Variants in SLC27A1 observed in about 807,000 individuals in gnomAD.
SLC27A1 encodes solute carrier family 27 member 1, also known as long-chain fatty acid transport protein 1.
Under a neutral mutation model 62.2 loss-of-function variants are expected in SLC27A1, and 61 were observed. The observed-to-expected ratio is 0.98, with a 90% confidence interval of 0.80 to 1.21. The LOEUF (loss-of-function observed/expected upper bound fraction) is 1.21, where lower values mean the gene tolerates loss of function less well. Ranked by LOEUF, SLC27A1 falls within the 50% of genes most tolerant of loss-of-function variation. The pLI, the probability that SLC27A1 is intolerant of heterozygous loss-of-function variation, is 0.00. For synonymous variants in SLC27A1, 435 were observed against 408.6 expected (o/e 1.06, Z -0.78); for missense variants, 903 against 932.1 (o/e 0.97, Z 0.41).
chr19:17,487,277 G>A lies in SLC27A1; in HGVS notation c.666G>A (p.Pro222=). The A allele has an allele frequency of 6.2e-7, 1 of 1,613,712 alleles. No homozygotes were observed. Among genetic ancestry groups the A allele is most frequent in the Non-Finnish European group, 8.5e-7 (1 of 1,179,880 alleles). Residue 222 remains proline, a synonymous_variant, in exon 3 of 12, where the codon CCG becomes CCA. Transcript: ENST00000252595. ...TGCCGGACACCCACCTCCTGGACCC[G>A]CTGCTGAAGGAGGCCTCTACTGCCC... The part of the protein sequence containing the change: ...GILPDTHLLD[P]LLKEASTAPL...
intron 2 of SLC27A1, 21 bp from the exon 3 acceptor site, chr19:17,487,153 C>T (rs914171379): frequency 2.5e-6 from 4 of 1,613,836 alleles, no homozygotes; most frequent in Non-Finnish European, 3.4e-6. Flanking sequence ...GTGACCATGA[C>T]CCATGTGTTG....
chr19:17,488,430 T>G (rs1019893649), intron 4 of SLC27A1, among the ~76,000 whole-genome samples: 1 of 151,936 alleles, frequency 6.6e-6, no homozygotes, highest in Non-Finnish European at 1.5e-5. Flanking sequence ...CTGATGTCAT[T>G]TTCCTCCCCT....
intron 1 of SLC27A1, among the ~76,000 whole-genome samples, chr19:17,477,745 G>A (rs1343308358): frequency 6.6e-6 from 1 of 151,034 alleles, no homozygotes; most frequent in African/African-American, 2.4e-5. Context: ...AGTAGAGACG[G>A]GGTTTCACCA....
chr19:17,488,752 T>C (rs1027166843), intron 4 of SLC27A1, 96 bp from the exon 5 acceptor site: 15 of 1,121,456 alleles, frequency 1.3e-5, no homozygotes, highest in Non-Finnish European at 1.0e-5. Flanking sequence ...CTGGGCTGGC[T>C]TTGCCTGGGT....
chr19:17,476,407 G>A (rs896260015), intron 1 of SLC27A1, among the ~76,000 whole-genome samples: 2 of 151,894 alleles, frequency 1.3e-5, no homozygotes, highest in African/African-American at 2.4e-5. Context: ...GCGTGGTAGC[G>A]GGCACCTGTA....
At position 17,504,902 on chromosome 19, in the gene SLC27A1, T is replaced by C. The variant is rs943737714; in HGVS notation, c.*290T>C. The C allele has an allele frequency of 3.6e-6, 2 of 559,500 alleles. No individual in the cohort carries two copies. Among genetic ancestry groups the C allele is most frequent in the East Asian group, 4.1e-5 (1 of 24,290 alleles). 34.7% of individuals were successfully genotyped at this position (559,500 alleles called of 1,614,324 possible). ...CTTTTTCTTTTCTTTCTTTCTTTCT[T>C]TTTTTTTTAAGATAGAGTCTCACTC... is the stretch of plus-strand genomic sequence containing the variant. On this transcript the variant is annotated 3_prime_UTR_variant, in exon 12 of 12. Transcript: ENST00000252595.
chr19:17,482,242 G>T (rs1021260878), intron 1 of SLC27A1, among the ~76,000 whole-genome samples: 1 of 152,162 alleles, frequency 6.6e-6, no homozygotes, highest in Non-Finnish European at 1.5e-5. Context: ...GTGCCCGCCG[G>T]GCGCAGTGGC....
chr19:17,486,745 C>T lies in SLC27A1; in HGVS notation c.350C>T (p.Ala117Val). 8.1e-6 allele frequency: 13 copies of T among 1,610,154 alleles called. No homozygotes were observed. The highest frequency in any genetic ancestry group is 1.1e-5 in the Non-Finnish European group (13 of 1,178,232). The change falls in exon 2 of 12, where the codon GCC becomes GTC. Residue 117 changes from alanine (A) to valine (V), a missense_variant. Physicochemically the swap from Ala to Val is moderately conservative, Grantham distance 64. Coordinates refer to ENST00000252595, the MANE Select transcript of SLC27A1 (RefSeq NM_198580.3). The surrounding 1 kb of genome is among the most constrained non-coding windows in gnomAD (Gnocchi z 6.6). The part of the protein sequence containing the change: ...AQLDAYSNAV[A>V]NLFRQLGFAP... ...CTGGACGCCTACTCCAATGCGGTAG[C>T]CAACCTCTTCCGCCAGCTGGGCTTC... is the stretch of plus-strand genomic sequence containing the variant.
At chr19:17,470,139 G>T (rs571760941), upstream of SLC27A1, among the ~76,000 whole-genome samples, 22 of 152,230 alleles carry the variant, frequency 1.4e-4, 1 homozygote, top group East Asian at 3.7e-3. Flanking sequence ...GGCGAGGCCT[G>T]ACAGTGACCG....
chr19:17,497,176 G>C (rs1321910470), intron 6 of SLC27A1, 79 bp from the exon 7 acceptor site: 2 of 1,149,088 alleles, frequency 1.7e-6, no homozygotes, highest in African/African-American at 1.6e-5. Context: ...TGGGTGGGGC[G>C]GTCTCGGGGT....
intron 1 of SLC27A1, among the ~76,000 whole-genome samples, chr19:17,472,950 G>A (rs191289221): frequency 5.9e-5 from 9 of 152,062 alleles, no homozygotes; most frequent in South Asian, 4.2e-4. Flanking sequence ...GCCTGCCTCC[G>A]CTCCTGGATA....
chr19:17,487,896 C>T (rs944465818), intron 4 of SLC27A1, among the ~76,000 whole-genome samples: 14 of 151,864 alleles, frequency 9.2e-5, no homozygotes, highest in South Asian at 4.2e-4. Context: ...TTTCCATGCC[C>T]CCCATCTGGA....
chr19:17,500,993 C>A, intron 10 of SLC27A1, 117 bp downstream of exon 10: 1 of 1,230,952 alleles, frequency 8.1e-7, no homozygotes, highest in Non-Finnish European at 1.1e-6. Context: ...CTGCTCATGG[C>A]AGCCCAGGAG....
Position 17,486,572 on chromosome 19 carries a change from T to G in SLC27A1, c.177T>G (p.Ser59=). ...CCGTCCTCCCTCCCAGCGGTCTCTC[T>G]GTGCTGATCCGCGTGCGCCTGGAGC... ...KTARRDLFGL[S]VLIRVRLELR... is the part of the protein sequence containing the mutation. The change falls in exon 2 of 12, where the codon TCT becomes TCG. Residue 59 remains serine, a synonymous_variant. Coordinates refer to ENST00000252595, the MANE Select transcript of SLC27A1 (RefSeq NM_198580.3). The surrounding 1 kb of genome is among the most constrained non-coding windows in gnomAD (Gnocchi z 6.6). 1 of 1,586,828 alleles carries G rather than the reference T, an allele frequency of 6.3e-7. No homozygotes were observed. Among genetic ancestry groups the G allele is most frequent in the South Asian group, 1.1e-5 (1 of 89,112 alleles).
intron 11 of SLC27A1, among the ~76,000 whole-genome samples, chr19:17,502,335 GTTTTTTTTGTTTTTTTTTTTT>G (rs2075424891): frequency 2.6e-5 from 2 of 75,902 alleles, no homozygotes; most frequent in Non-Finnish European, 5.0e-5. Flanking sequence ...CTGAAATAGT[GTTTTTTTTGTTTTTTTTTTTT>G]TTTTTTTTTT....
intron 1 of SLC27A1, among the ~76,000 whole-genome samples, chr19:17,480,666 C>T (rs2144559071): frequency 6.6e-6 from 1 of 150,796 alleles, no homozygotes. Context: ...GCGTGAGCCA[C>T]CGTGTCCACC....
chr19:17,490,679 A>T (rs1228951056), intron 6 of SLC27A1, among the ~76,000 whole-genome samples: 1 of 152,204 alleles, frequency 6.6e-6, no homozygotes, highest in South Asian at 2.1e-4. Flanking sequence ...CCTTTGAAAG[A>T]TGAGTACTTG....
Position 17,486,377 on chromosome 19 carries a change from T to C in SLC27A1, c.168-186T>C, listed in dbSNP as rs1172380743. Among the ~76,000 whole-genome samples, 3 of 152,210 alleles carry C rather than the reference T, an allele frequency of 2.0e-5. No individual in the cohort carries two copies. Among genetic ancestry groups the C allele is most frequent in the Non-Finnish European group, 4.4e-5 (3 of 68,032 alleles). On this transcript the variant is annotated intron_variant, in intron 1 of 11. Coordinates refer to ENST00000252595, the MANE Select transcript of SLC27A1 (RefSeq NM_198580.3). This position sits in a 1 kb window ranked among gnomAD's most constrained non-coding sequence, Gnocchi z 6.6. ...TATTACGCTTTGAGAATCTACCTTC[T>C]TCCTGGCTGGTTGGTAAATGGCCCT... is the stretch of plus-strand genomic sequence containing the variant.
chr19:17,495,933 T>G (rs2075345347), intron 6 of SLC27A1: 1 of 152,532 alleles, frequency 6.6e-6, no homozygotes, highest in South Asian at 2.1e-4. Context: ...GAGCTGAGAC[T>G]GAAGAGTTCA....
Sources: gnomAD v4.1 joint callset for allele counts (sites outside exome capture counted in the v4.1 genomes callset) on GRCh38, gnomAD v4.1.1 for gene constraint, Gnocchi (gnomAD v3.1) non-coding constraint, MANE v1.5 for transcripts, NCBI Gene and HGNC (gene_info 2026-07-23, HGNC 2026-07-21) for gene names.